Variants in CSMD3 observed in about 807,000 individuals in gnomAD.
CSMD3 encodes CUB and Sushi multiple domains 3, also known as CUB and sushi domain-containing protein 3.
In CSMD3, 177 loss-of-function variants were observed where a neutral mutation model predicts 435.2. That is an observed-to-expected ratio of 0.41 (90% CI 0.36 to 0.46). The LOEUF (loss-of-function observed/expected upper bound fraction) is 0.46. Ranked by LOEUF, CSMD3 falls within the 20% of genes least tolerant of loss-of-function variation. The pLI, the probability that CSMD3 is intolerant of heterozygous loss-of-function variation, is 0.34. For synonymous variants in CSMD3, 1,656 were observed against 1,520.5 expected, an observed-to-expected ratio of 1.09 and a Z score of -2.07; for missense variants, 4,265 against 4,504.6, an observed-to-expected ratio of 0.95 and a Z score of 1.52.
chr8:113,214,414 G>A (rs10505201), intron 3 of CSMD3, among the ~76,000 whole-genome samples: 14,977 of 151,726 alleles, frequency 0.099, 944 homozygotes, highest in Middle Eastern at 0.2. Context: ...ATGCATGTTC[G>A]GTTATTTGAG....
rs56809581 is a variant in CSMD3 at position 112,392,864 on chromosome 8, CTTTTTTTTTTTTT to C, written c.5810-2089_5810-2077del. Among the ~76,000 whole-genome samples, 805 of 122,192 alleles carry C rather than the reference CTTTTTTTTTTTTT, an allele frequency of 6.6e-3. 5 individuals are homozygous for C. Among genetic ancestry groups the C allele is most frequent in the African/African-American group, 0.024 (770 of 32,386 alleles). 80.2% of individuals were successfully genotyped at this position (122,192 alleles called of 152,430 possible). A position where few individuals can be genotyped will look rare whatever the true frequency, so the allele number is the denominator to read the frequency against. ...AGCTCACAGATAGTTTCTTTTTTTTCTTTTTTTTTTTTTTTTTTTGAAACAAGCTCTGGCTTTG... is the reference window on the plus strand; with the variant it reads ...AGCTCACAGATAGTTTCTTTTTTTTCTTTTTTGAAACAAGCTCTGGCTTTG... On this transcript the variant is annotated intron_variant, in intron 35 of 70. Coordinates refer to ENST00000297405, the MANE Select transcript of CSMD3 (RefSeq NM_198123.2).
At position 113,006,960 on chromosome 8, in the gene CSMD3, G is replaced by A. The variant is rs115397062; in HGVS notation, c.1030+12107C>T. Among the ~76,000 whole-genome samples, 568 of 152,000 alleles carry A rather than the reference G, an allele frequency of 3.7e-3. 3 individuals are homozygous for A. Among genetic ancestry groups the A allele is most frequent in the African/African-American group, 0.013 (547 of 41,512 alleles). ...GAACATGTAGCCATCTTAGGTCTTAGGCCTGGGTCAGTCCTTTTATATCTT... is the reference window on the plus strand; with the variant it reads ...GAACATGTAGCCATCTTAGGTCTTAAGCCTGGGTCAGTCCTTTTATATCTT... On this transcript the variant is annotated intron_variant, in intron 6 of 70. Transcript: ENST00000297405.
chr8:112,763,989 G>C (rs2077912411), intron 13 of CSMD3, among the ~76,000 whole-genome samples: 1 of 151,126 alleles, frequency 6.6e-6, no homozygotes, highest in African/African-American at 2.4e-5. Context: ...TTTCCCTAAA[G>C]TTTTAAACTT....
chr8:113,377,117 T>C, intron 1 of CSMD3: 1 of 1,261,768 alleles, frequency 7.9e-7, no homozygotes, highest in Non-Finnish European at 1.0e-6. Context: ...TGCGGCGTCG[T>C]CCGGCTCTCC....
rs1005865709 is a variant in CSMD3, at chr8:112,650,195, G to T, written c.3159C>A (p.Asn1053Lys). ...SHEEPLLCEK[N>K]HWWSHPLPTC... ...TTGGAAGTGGATGACTCCACCAGTG[G>T]TTTTTTTCGCATAGAAGGGGCTCTT... Residue 1053 changes from asparagine (N) to lysine (K), a missense_variant, in exon 19 of 71, where the codon AAC becomes AAA. Asn to Lys is a moderately conservative substitution (Grantham distance 94). Around this residue, in one of 3 missense-constraint regions of CSMD3, gnomAD observed 3,255 missense variants for 3,380.2 expected, o/e 0.96. Coordinates refer to ENST00000297405, the MANE Select transcript of CSMD3 (RefSeq NM_198123.2). The T allele has an allele frequency of 1.2e-6, 2 of 1,613,792 alleles. No individual in the cohort carries two copies. The highest frequency in any genetic ancestry group is 1.7e-6 in the Non-Finnish European group (2 of 1,179,770).
At position 112,827,164 on chromosome 8, in the gene CSMD3, AATATATATATATATATATATAT is replaced by A. The variant is rs3047126; in HGVS notation, c.1859+2500_1859+2521del. 4.3e-4 allele frequency among the ~76,000 whole-genome samples: 36 copies of A among 82,832 alleles called. 3 individuals are homozygous for A. The highest frequency in any genetic ancestry group is 1.4e-3 in the South Asian group (3 of 2,166). 54.3% of individuals were successfully genotyped at this position (82,832 alleles called of 152,430 possible). ...TTCTGTATTTTACTAGGTTACCATAAATATATATATATATATATATATATATATATATATATATATATAATCT... is the reference window on the plus strand; with the variant it reads ...TTCTGTATTTTACTAGGTTACCATAAATATATATATATATATATATAATCT... On this transcript the variant is annotated intron_variant, in intron 12 of 70. Coordinates refer to ENST00000297405, the MANE Select transcript of CSMD3 (RefSeq NM_198123.2).
chr8:113,091,005 G>C (rs915574424), intron 5 of CSMD3, among the ~76,000 whole-genome samples: 1 of 152,054 alleles, frequency 6.6e-6, no homozygotes, highest in South Asian at 2.1e-4. Context: ...TTCAATTTCT[G>C]GTCACTGCAC....
chr8:112,765,651 C>A (rs1449856376), intron 13 of CSMD3, among the ~76,000 whole-genome samples: 1 of 151,666 alleles, frequency 6.6e-6, no homozygotes, highest in Non-Finnish European at 1.5e-5. Context: ...AAAAGCCTTA[C>A]CATGGCTAAG....
chr8:112,616,736 T>C (rs1158541736), intron 22 of CSMD3, among the ~76,000 whole-genome samples: 1 of 152,116 alleles, frequency 6.6e-6, no homozygotes, highest in African/African-American at 2.4e-5. Context: ...AGATGGCAGA[T>C]GGCATACAAA....
chr8:112,261,030 C>T (rs979384203), intron 61 of CSMD3, among the ~76,000 whole-genome samples: 2 of 152,030 alleles, frequency 1.3e-5, no homozygotes, highest in African/African-American at 4.8e-5. Context: ...CAGTCTAGAC[C>T]ACTACTGTAA....
intron 13 of CSMD3, among the ~76,000 whole-genome samples, chr8:112,756,696 G>A (rs1464830113): frequency 6.6e-6 from 1 of 151,800 alleles, no homozygotes; most frequent in South Asian, 2.1e-4. Context: ...TGAAAAATGC[G>A]GTTTGTTATG....
At chr8:112,579,270 C>T (rs1424944521) in intron 23 of CSMD3, among the ~76,000 whole-genome samples, 1 of 151,974 alleles carries the variant, frequency 6.6e-6, no homozygotes, top group Admixed American at 6.6e-5. Flanking sequence ...AGACACAACC[C>T]ATTTCCACTT....
At chr8:112,351,374 A>G (rs1826123059) in intron 39 of CSMD3, 130 bp from the exon 40 acceptor site, 1 of 631,602 alleles carries the variant, frequency 1.6e-6, no homozygotes, top group Non-Finnish European at 2.8e-6. Context: ...ATTTACTTAT[A>G]TGAAAATCTT....
chr8:112,454,087 T>C (rs1310081143), intron 32 of CSMD3, among the ~76,000 whole-genome samples: 1 of 152,156 alleles, frequency 6.6e-6, no homozygotes, highest in Non-Finnish European at 1.5e-5. Context: ...TGACCATATA[T>C]AAGAATTCAC....
chr8:113,079,909 T>C (rs1288437846), intron 5 of CSMD3, among the ~76,000 whole-genome samples: 1 of 152,096 alleles, frequency 6.6e-6, no homozygotes, highest in Admixed American at 6.5e-5. Flanking sequence ...TTTCAACTTA[T>C]AATACATAGC....
At chr8:112,731,919 T>C (rs984801181) in intron 13 of CSMD3, among the ~76,000 whole-genome samples, 2 of 152,114 alleles carry the variant, frequency 1.3e-5, no homozygotes, top group South Asian at 4.1e-4. Context: ...TATAAAGTGA[T>C]TAATAGGATT....
At chr8:112,478,601 TAAGCAGCAA>T (rs1460677329) in intron 31 of CSMD3, among the ~76,000 whole-genome samples, 1 of 152,156 alleles carries the variant, frequency 6.6e-6, no homozygotes, top group African/African-American at 2.4e-5. Flanking sequence ...AAGAAATTTC[TAAGCAGCAA>T]ACCGTTCAAG....
chr8:113,057,306 T>C, intron 5 of CSMD3, among the ~76,000 whole-genome samples: 1 of 152,200 alleles, frequency 6.6e-6, no homozygotes, highest in Non-Finnish European at 1.5e-5. Flanking sequence ...GCTTATATTA[T>C]TCACCAATCT....
chr8:113,339,782 G>A (rs888142475), intron 1 of CSMD3, among the ~76,000 whole-genome samples: 7 of 151,670 alleles, frequency 4.6e-5, no homozygotes, highest in African/African-American at 1.7e-4. Context: ...TACATATTTG[G>A]ACAAGTTATT....
Sources: allele counts gnomAD v4.1 joint callset (sites outside exome capture counted in the v4.1 genomes callset), GRCh38; gene constraint gnomAD v4.1.1; regional missense constraint gnomAD v4.1.1; transcripts MANE v1.5; gene names NCBI Gene and HGNC (gene_info 2026-07-23, HGNC 2026-07-21).